Variants in IL3RA observed in about 807,000 individuals in gnomAD.
IL3RA encodes the protein interleukin-3 receptor subunit alpha.
IL3RA carries 73 observed loss-of-function variants against 52.3 expected under a neutral mutation model. The observed-to-expected ratio is 1.40, with a 90% CI of 1.16 to 1.70. IL3RA has a LOEUF of 1.70. Among genes scored for constraint, IL3RA ranks in the 40% most tolerant of loss-of-function variants. The pLI is 0.00. For synonymous variants in IL3RA, 260 were observed against 194.0 expected (o/e 1.34, Z -2.83); for missense variants, 664 against 504.4 (o/e 1.32, Z -3.03).
chrX:1,356,202 G>T lies in IL3RA; in HGVS notation c.617-19G>T, dbSNP rs763326101. ...TTTCTTGTACTCCTAAATCCTAAAAGTGTTTTTCTCGTTGCTAGAGATATT... is the reference window on the plus strand; with the variant it reads ...TTTCTTGTACTCCTAAATCCTAAAATTGTTTTTCTCGTTGCTAGAGATATT... On this transcript the variant is annotated intron_variant, in intron 6 of 11. Transcript: ENST00000331035. The T allele has an allele frequency of 7.0e-7, 1 of 1,437,896 alleles. No individual in the cohort carries two copies. The allele number at this position is 1,437,896 out of a possible 1,614,324, so 89.1% of individuals were successfully genotyped here. A position where few individuals can be genotyped will look rare whatever the true frequency, so the allele number is the denominator to read the frequency against.
chrX:1,348,488 TA>T lies in IL3RA; in HGVS notation c.242del (p.Tyr81SerfsTer30). ...AATTTCCTTATGTGAAGTGACCAAC[TA>T]CACCGTCCGAGTGGCCAACCCACCA... ...GAISLCEVTN[Y>X]TVRVANPPFS... On this transcript the variant is annotated frameshift_variant, in exon 4 of 12. Transcript: ENST00000331035. LOFTEE classifies it high-confidence loss of function. 1 of 1,613,912 alleles carries T rather than the reference TA, an allele frequency of 6.2e-7. No homozygotes were observed. Among genetic ancestry groups the T allele is most frequent in the Non-Finnish European group, 8.5e-7 (1 of 1,179,848 alleles).
rs1445914595 is a variant in IL3RA at position 1,376,848 on chromosome X, CGG to C, written c.875-1810_875-1809del. On this transcript the variant is annotated intron_variant, in intron 9 of 11. Transcript: ENST00000331035. ...AAGGAGATGAGGACACAGACACACACGGAGGGACGACCCTGTGGGACACAGGG... is the reference window on the plus strand; with the variant it reads ...AAGGAGATGAGGACACAGACACACACAGGGACGACCCTGTGGGACACAGGG... Among the ~76,000 whole-genome samples, 90 of 74,344 alleles carry C rather than the reference CGG, an allele frequency of 1.2e-3. 9 individuals carry two copies. The highest frequency in any genetic ancestry group is 5.9e-3 in the African/African-American group (72 of 12,302). The allele number at this position is 74,344 out of a possible 152,430, so 48.8% of individuals were successfully genotyped here. A position where few individuals can be genotyped will look rare whatever the true frequency, so the allele number is the denominator to read the frequency against.
rs1293834571 is a variant in IL3RA, at chrX:1,378,622, G to A, written c.875-37G>A. 4 of 1,568,612 alleles carry A rather than the reference G, an allele frequency of 2.6e-6. No individual in the cohort carries two copies. The African/African-American group carries it at 4.1e-5, about 16-fold the overall frequency. Reference sequence around the variant, plus strand: ...TACAGTCCCTGGTCCCCCCAGGACGGCCCCCGGTCTGTGACCCTCTCACCC... The same window carrying A: ...TACAGTCCCTGGTCCCCCCAGGACGACCCCCGGTCTGTGACCCTCTCACCC... On this transcript the variant is annotated intron_variant, in intron 9 of 11. Transcript: ENST00000331035.
intron 10 of IL3RA, among the ~76,000 whole-genome samples, chrX:1,379,509 C>G (rs1206318090): frequency 2.6e-5 from 4 of 152,168 alleles, no homozygotes; most frequent in Admixed American, 6.6e-5. Flanking sequence ...GCTAGCTGCC[C>G]CCTGCCAGGA....
chrX:1,340,120 T>C (rs113712722), intron 1 of IL3RA, among the ~76,000 whole-genome samples: 3,232 of 137,740 alleles, frequency 0.023, 38 homozygotes, highest in African/African-American at 0.025. Flanking sequence ...CTTTTCTTTT[T>C]TTTTTTTTTT....
rs758914346 is a variant in IL3RA at position 1,347,442 on chromosome X, C to G, written c.184-989C>G. Among the ~76,000 whole-genome samples, 6 of 149,100 alleles carry G rather than the reference C, an allele frequency of 4.0e-5. No homozygotes were observed. The South Asian group carries it at 8.4e-4, about 21-fold the overall frequency. On this transcript the variant is annotated intron_variant, in intron 3 of 11. Coordinates refer to ENST00000331035, the MANE Select transcript of IL3RA (RefSeq NM_002183.4). ...CCTGGGCGACAGAGCGAGACTCTGT[C>G]TCAAAAAAACAAAAACAAAAGCAAA... is the stretch of plus-strand genomic sequence containing the variant.
intron 6 of IL3RA, among the ~76,000 whole-genome samples, chrX:1,353,407 G>A (rs2148982853): frequency 6.8e-6 from 1 of 146,924 alleles, no homozygotes; most frequent in South Asian, 2.1e-4. Context: ...CCCCATCATG[G>A]ATTCCATCAT....
At chrX:1,377,261 A>C (rs2088828019) in intron 9 of IL3RA, among the ~76,000 whole-genome samples, 4 of 151,416 alleles carry the variant, frequency 2.6e-5, no homozygotes, top group African/African-American at 9.7e-5. Context: ...TCTTTTTCTG[A>C]GATGGAGTCT....
At chrX:1,354,736 T>G (rs1427252883) in intron 6 of IL3RA, among the ~76,000 whole-genome samples, 283 of 39,202 alleles carry the variant, frequency 7.2e-3, no homozygotes, top group African/African-American at 8.5e-3. Flanking sequence ...GGGGAGGAGG[T>G]GGAGATGGGG....
intron 2 of IL3RA, among the ~76,000 whole-genome samples, chrX:1,342,377 G>T (rs1399353019): frequency 6.6e-6 from 1 of 151,878 alleles, no homozygotes; most frequent in African/African-American, 2.4e-5. Flanking sequence ...TGTCGGTCAG[G>T]CTGGTCTAGA....
rs1223923878 is a variant in IL3RA, at chrX:1,348,465, T to A, written c.218T>A (p.Ile73Asn). Residue 73 changes from isoleucine to asparagine, a missense_variant, in exon 4 of 12, where the codon ATT (isoleucine) becomes AAT (asparagine). Coordinates refer to ENST00000331035, the MANE Select transcript of IL3RA (RefSeq NM_002183.4). ...VNNSYCQFGA[I>N]SLCEVTNYTV... ...AATAGCTATTGCCAGTTTGGAGCAATTTCCTTATGTGAAGTGACCAACTAC... is the reference window on the plus strand; with the variant it reads ...AATAGCTATTGCCAGTTTGGAGCAAATTCCTTATGTGAAGTGACCAACTAC... The A allele has an allele frequency of 3.1e-6, 5 of 1,613,742 alleles. No individual in the cohort carries two copies.
chrX:1,378,588 G>A, intron 9 of IL3RA, 71 bp from the exon 10 acceptor site: 1 of 1,349,426 alleles, frequency 7.4e-7, no homozygotes. Context: ...CAGGGCCCCG[G>A]GGAGAGCTTA....
chrX:1,348,348 T>C (rs2085870046), intron 3 of IL3RA, 83 bp from the exon 4 acceptor site: 4 of 1,095,722 alleles, frequency 3.7e-6, no homozygotes, highest in Non-Finnish European at 5.6e-6. Context: ...AGCGAAACTC[T>C]GCCTCAAAAA....
At position 1,345,823 on chromosome X, in the gene IL3RA, C is replaced by T. The variant is rs186991381; in HGVS notation, c.183+389C>T. On this transcript the variant is annotated intron_variant, in intron 3 of 11. Transcript: ENST00000331035. ...CTAATGTTGACGAACAAGACGTTTC[C>T]GTCTTCTGCAGGAATCTCAGAACCA... 2.2e-3 allele frequency among the ~76,000 whole-genome samples: 330 copies of T among 152,036 alleles called. 6 individuals carry two copies. Among genetic ancestry groups the T allele is most frequent in the African/African-American group, 7.4e-3 (307 of 41,372 alleles).
intron 1 of IL3RA, among the ~76,000 whole-genome samples, chrX:1,339,473 C>T (rs1446268987): frequency 2.0e-5 from 3 of 152,148 alleles, no homozygotes; most frequent in African/African-American, 7.2e-5. Context: ...AAGCAAGGTC[C>T]ACTGACGCTA....
intron 3 of IL3RA, among the ~76,000 whole-genome samples, chrX:1,348,118 A>C (rs1428203534): frequency 6.7e-6 from 1 of 150,184 alleles, no homozygotes; most frequent in Non-Finnish European, 1.5e-5. Context: ...AGGCTGAGGC[A>C]GGCGGATCAC....
intron 6 of IL3RA, among the ~76,000 whole-genome samples, chrX:1,353,331 C>CTATCATGGATT (rs2086259827): frequency 2.0e-5 from 3 of 150,386 alleles, no homozygotes; most frequent in Admixed American, 6.6e-5. Flanking sequence ...ATGGGACCCC[C>CTATCATGGATT]CCATCATGGG....
At position 1,348,732 on chromosome X, in the gene IL3RA, T is replaced by C. The variant is rs113550363; in HGVS notation, c.298+187T>C. ...TTTCTGTTTCTTTCTTCCTTTCTTTTTCTTTCTTTCTTTCCTTCTTTCCTC... is the reference window on the plus strand; with the variant it reads ...TTTCTGTTTCTTTCTTCCTTTCTTTCTCTTTCTTTCTTTCCTTCTTTCCTC... On this transcript the variant is annotated intron_variant, in intron 4 of 11. Transcript: ENST00000331035. 6.7e-3 allele frequency among the ~76,000 whole-genome samples: 921 copies of C among 138,048 alleles called. 44 individuals carry two copies. The highest frequency in any genetic ancestry group is 0.023 in the African/African-American group (866 of 37,528). The allele number at this position is 138,048 out of a possible 152,430, so 90.6% of individuals were successfully genotyped here.
At chrX:1,359,421 C>G (rs1467090897) in intron 8 of IL3RA, among the ~76,000 whole-genome samples, 1 of 152,078 alleles carries the variant, frequency 6.6e-6, no homozygotes, top group East Asian at 1.9e-4. Context: ...CTGTCCATCT[C>G]TTTCCCCGTA....
Sources: allele counts gnomAD v4.1 joint callset (sites outside exome capture counted in the v4.1 genomes callset), GRCh38; gene constraint gnomAD v4.1.1; transcripts MANE v1.5; gene names NCBI Gene and HGNC (gene_info 2026-07-23, HGNC 2026-07-21).